The following LZTFL1 variants were observed in gnomAD, a reference collection of about 807,000 sequenced individuals.
LZTFL1 encodes the protein leucine zipper transcription factor like 1, also known as leucine zipper transcription factor-like protein 1.
A neutral mutation model predicts 45.9 loss-of-function variants in LZTFL1; 25 were observed. That is an observed-to-expected ratio of 0.54 (90% CI 0.40 to 0.76). LZTFL1 has a LOEUF of 0.76. Among genes scored for constraint, LZTFL1 ranks in the 30% least tolerant of loss-of-function variants. The probability of loss-of-function intolerance (pLI) is 0.00; values close to 1 mark genes in which losing one functional copy is unlikely to be tolerated. For missense variants in LZTFL1, 277 were observed against 331.1 expected (o/e 0.84, Z 1.27); for synonymous variants, 93 against 117.4 (o/e 0.79, Z 1.35).
intron 7 of LZTFL1, among the ~76,000 whole-genome samples, chr3:45,830,228 G>A (rs571998620): frequency 6.6e-6 from 1 of 152,208 alleles, no homozygotes; most frequent in Non-Finnish European, 1.5e-5. Flanking sequence ...AGCCAATGCT[G>A]TACTGAATAT....
Position 45,901,499 on chromosome 3 carries a change from C to A in LZTFL1, c.-215+11621G>T, listed in dbSNP as rs1395706481. On this transcript the variant is annotated intron_variant, in intron 2 of 4. Transcript: ENST00000472635. This position sits in a 1 kb window ranked among gnomAD's most constrained non-coding sequence, Gnocchi z 4.3. Reference sequence around the variant, plus strand: ...TCATGGCTTGCTGCTATACCATCATCATTCACACCCTGATACAAGCCAAGA... The same window carrying A: ...TCATGGCTTGCTGCTATACCATCATAATTCACACCCTGATACAAGCCAAGA... The A allele has an allele frequency of 6.2e-7, 1 of 1,614,058 alleles. No homozygotes were observed. The highest frequency in any genetic ancestry group is 1.1e-5 in the South Asian group (1 of 91,084).
chr3:45,855,030 C>G (rs2125704728), exon 4 of LZTFL1: 1 of 1,535,232 alleles, frequency 6.5e-7, no homozygotes, highest in African/African-American at 1.4e-5. Flanking sequence ...GAAAAGTCAC[C>G]AAAGGGTGGG....
At chr3:45,849,495 A>G (rs1701274178) in intron 4 of LZTFL1, among the ~76,000 whole-genome samples, 1 of 152,226 alleles carries the variant, frequency 6.6e-6, no homozygotes, top group African/African-American at 2.4e-5. Context: ...TGAACACACT[A>G]AAACCCAGGG....
rs954850247 is a variant in LZTFL1, at chr3:45,827,264, C to T, written c.881+92G>A. 14 of 954,586 alleles carry T rather than the reference C, an allele frequency of 1.5e-5. No individual in the cohort carries two copies. The Middle Eastern group carries it at 6.3e-4, about 43-fold the overall frequency. 59.1% of individuals were successfully genotyped at this position (954,586 alleles called of 1,614,324 possible). A position where few individuals can be genotyped will look rare whatever the true frequency, so the allele number is the denominator to read the frequency against. On this transcript the variant is annotated intron_variant, in intron 9 of 9. Transcript: ENST00000296135. Reference sequence around the variant, plus strand: ...GACTAAATGATCCAGCAACTACCACCGGCTTGACCTCTCTGGAACAAGCTT... The same window carrying T: ...GACTAAATGATCCAGCAACTACCACTGGCTTGACCTCTCTGGAACAAGCTT...
intron 2 of LZTFL1, among the ~76,000 whole-genome samples, chr3:45,874,619 T>C (rs1220343062): frequency 6.6e-6 from 1 of 152,202 alleles, no homozygotes; most frequent in East Asian, 1.9e-4. Flanking sequence ...GTAGGTACAT[T>C]AATTTCATTG....
intron 2 of LZTFL1, among the ~76,000 whole-genome samples, chr3:45,872,900 A>T (rs560553583): frequency 6.6e-6 from 1 of 152,336 alleles, no homozygotes; most frequent in South Asian, 2.1e-4. Flanking sequence ...AAGGCAAGTG[A>T]GGCTGAAGTA....
chr3:45,835,565 C>T (rs752145683), intron 3 of LZTFL1, 25 bp downstream of exon 3: 1 of 1,600,736 alleles, frequency 6.2e-7, no homozygotes, highest in East Asian at 2.2e-5. Flanking sequence ...ATTATTGTCA[C>T]AGTTGCAAGT....
intron 2 of LZTFL1, among the ~76,000 whole-genome samples, chr3:45,899,128 T>C (rs1210201240): frequency 1.3e-5 from 2 of 152,216 alleles, no homozygotes; most frequent in Non-Finnish European, 2.9e-5. Context: ...ATGGCGCCAT[T>C]GCACTCCAGC....
At chr3:45,859,400 T>C (rs1454919278) in intron 2 of LZTFL1, among the ~76,000 whole-genome samples, 1 of 152,046 alleles carries the variant, frequency 6.6e-6, no homozygotes, top group Non-Finnish European at 1.5e-5. Context: ...TATTTTGTTG[T>C]TGTTGTTGTA....
At position 45,824,527 on chromosome 3, in the gene LZTFL1, A is replaced by G. The variant is rs1700616409; in HGVS notation, c.*1787T>C. On this transcript the variant is annotated 3_prime_UTR_variant, in exon 10 of 10. Transcript: ENST00000296135. Reference sequence around the variant, plus strand: ...AGGTTTTAGAAATATTTTTGAATTTATTATTAAACAATAGGAACGTACTGT... The same window carrying G: ...AGGTTTTAGAAATATTTTTGAATTTGTTATTAAACAATAGGAACGTACTGT... 3.5e-6 allele frequency: 1 copy of G among 282,104 alleles called. No homozygotes were observed. Among genetic ancestry groups the G allele is most frequent in the Non-Finnish European group, 6.5e-6 (1 of 153,588 alleles). The allele number at this position is 282,104 out of a possible 1,614,324, so 17.5% of individuals were successfully genotyped here.
chr3:45,914,346 G>A (rs1299942259), intron 1 of LZTFL1, among the ~76,000 whole-genome samples: 1 of 151,796 alleles, frequency 6.6e-6, no homozygotes, highest in Non-Finnish European at 1.5e-5. Flanking sequence ...GAGTGCAGTG[G>A]GGCAATCACA....
At chr3:45,874,609 G>A (rs967318001) in intron 2 of LZTFL1, among the ~76,000 whole-genome samples, 9 of 152,170 alleles carry the variant, frequency 5.9e-5, no homozygotes, top group Middle Eastern at 3.4e-3. Flanking sequence ...ACATTACCCT[G>A]TAGGTACATT....
intron 2 of LZTFL1, among the ~76,000 whole-genome samples, chr3:45,879,790 A>G (rs998867091): frequency 6.6e-6 from 1 of 152,166 alleles, no homozygotes; most frequent in Non-Finnish European, 1.5e-5. Flanking sequence ...CTTCTGCACA[A>G]TTTTGCTGTG....
intron 2 of LZTFL1, among the ~76,000 whole-genome samples, chr3:45,906,921 G>A (rs1014020173): frequency 2.0e-5 from 3 of 152,170 alleles, no homozygotes; most frequent in Admixed American, 6.5e-5. Flanking sequence ...ATGCAAGACC[G>A]ATGAATAAAT....
At chr3:45,893,199 G>A (rs1295473915) in intron 2 of LZTFL1, among the ~76,000 whole-genome samples, 1 of 150,804 alleles carries the variant, frequency 6.6e-6, no homozygotes, top group South Asian at 2.1e-4. Context: ...CTGTCACCCA[G>A]GCTGGAGTGC....
intron 4 of LZTFL1, among the ~76,000 whole-genome samples, chr3:45,847,806 T>G (rs1450058622): frequency 6.6e-6 from 1 of 152,248 alleles, no homozygotes; most frequent in Non-Finnish European, 1.5e-5. Context: ...AATCCTTTCC[T>G]ATTACATTTT....
At chr3:45,896,000 C>G (rs1439939662) in intron 2 of LZTFL1, among the ~76,000 whole-genome samples, 1 of 152,184 alleles carries the variant, frequency 6.6e-6, no homozygotes, top group Admixed American at 6.5e-5. Context: ...GTGGTTGAAA[C>G]AGTTTATCAA....
At chr3:45,874,538 C>G (rs1466639524) in intron 2 of LZTFL1, among the ~76,000 whole-genome samples, 3 of 152,156 alleles carry the variant, frequency 2.0e-5, no homozygotes, top group Non-Finnish European at 4.4e-5. Context: ...CTCAGAGAGG[C>G]CTTCTCCCAT....
At chr3:45,873,819 C>G (rs543327331) in intron 2 of LZTFL1, among the ~76,000 whole-genome samples, 10 of 152,318 alleles carry the variant, frequency 6.6e-5, no homozygotes, top group African/African-American at 2.2e-4. Context: ...ACCGTCTCCT[C>G]CCTCCTATAA....
Sources: gnomAD v4.1 joint callset for allele counts (sites outside exome capture counted in the v4.1 genomes callset) on GRCh38, gnomAD v4.1.1 for gene constraint, Gnocchi (gnomAD v3.1) non-coding constraint, MANE v1.5 for transcripts, NCBI Gene and HGNC (gene_info 2026-07-23, HGNC 2026-07-21) for gene names.